Variants in PLD5 observed in about 807,000 individuals in gnomAD.
The protein encoded by PLD5 is inactive phospholipase D5.
In PLD5, 36 loss-of-function variants were observed where a neutral mutation model predicts 61.1. The ratio of observed to expected loss-of-function variants is 0.59; its 90% CI spans 0.45 to 0.78. The LOEUF (loss-of-function observed/expected upper bound fraction) is 0.78. Among genes scored for constraint, PLD5 ranks in the 30% least tolerant of loss-of-function variants. The pLI is 0.00. For missense variants in PLD5, 515 were observed against 644.4 expected (o/e 0.80, Z 2.17); for synonymous variants, 243 against 242.8 (o/e 1.00, Z -0.01).
At chr1:242,360,597 A>G (rs545309541) in intron 1 of PLD5, among the ~76,000 whole-genome samples, 1 of 152,236 alleles carries the variant, frequency 6.6e-6, no homozygotes, top group African/African-American at 2.4e-5. Flanking sequence ...CCATCTGCCT[A>G]TCTAACAACG....
chr1:242,420,844 C>T (rs1269471905), intron 1 of PLD5, among the ~76,000 whole-genome samples: 2 of 152,122 alleles, frequency 1.3e-5, no homozygotes, highest in Non-Finnish European at 2.9e-5. Flanking sequence ...TCAAAAAATG[C>T]ATGTCCATTT....
chr1:242,169,068 T>C (rs316893), intron 5 of PLD5, among the ~76,000 whole-genome samples: 127,582 of 151,876 alleles, frequency 0.84, 54,081 homozygotes, highest in African/African-American at 0.95. Flanking sequence ...CACTGAAAGG[T>C]CTTTCTTAAT....
intron 5 of PLD5, among the ~76,000 whole-genome samples, chr1:242,163,435 A>G (rs548189572): frequency 5.3e-5 from 8 of 152,182 alleles, no homozygotes; most frequent in African/African-American, 1.2e-4. Context: ...GAGCCACTGC[A>G]CCCAGCTTCC....
At chr1:242,388,672 G>A (rs1156377319) in intron 1 of PLD5, among the ~76,000 whole-genome samples, 2 of 152,150 alleles carry the variant, frequency 1.3e-5, no homozygotes, top group Non-Finnish European at 2.9e-5. Context: ...ATGGCTGACT[G>A]AGACGGTAAG....
intron 1 of PLD5, among the ~76,000 whole-genome samples, chr1:242,401,829 T>A (rs567370058): frequency 2.0e-4 from 30 of 152,354 alleles, no homozygotes; most frequent in Admixed American, 1.9e-3. Flanking sequence ...TCCATCCTCC[T>A]GCTGGTAGAG....
intron 1 of PLD5, among the ~76,000 whole-genome samples, chr1:242,446,584 G>GA (rs2102916930): frequency 6.6e-6 from 1 of 152,052 alleles, no homozygotes; most frequent in East Asian, 1.9e-4. Flanking sequence ...TATCTAAAAA[G>GA]AAAAAAGAAA....
chr1:242,445,221 T>C (rs946786943), intron 1 of PLD5, among the ~76,000 whole-genome samples: 3 of 152,196 alleles, frequency 2.0e-5, no homozygotes, highest in African/African-American at 7.2e-5. Flanking sequence ...CATTCTACTG[T>C]GTGAACACAC....
chr1:242,376,420 C>T (rs1237903651), intron 1 of PLD5, among the ~76,000 whole-genome samples: 1 of 152,160 alleles, frequency 6.6e-6, no homozygotes, highest in Non-Finnish European at 1.5e-5. Context: ...TGCTGAGACA[C>T]TTAAAAGTTC....
chr1:242,145,778 TTC>T (rs1664503779), intron 5 of PLD5, among the ~76,000 whole-genome samples: 1 of 152,158 alleles, frequency 6.6e-6, no homozygotes. Flanking sequence ...GTTTAAGTGA[TTC>T]TCTTGCCTCA....
intron 1 of PLD5, among the ~76,000 whole-genome samples, chr1:242,454,617 C>A (rs1400677724): frequency 1.3e-5 from 2 of 151,606 alleles, no homozygotes; most frequent in Admixed American, 6.6e-5. Context: ...ACATTAATTT[C>A]TATTAAGGTA....
intron 7 of PLD5, 107 bp downstream of exon 7, chr1:242,113,782 AG>A (rs1661727594): frequency 7.3e-7 from 1 of 1,364,266 alleles, no homozygotes; most frequent in African/African-American, 1.5e-5. Context: ...GCTCTTCCTA[AG>A]GCAACCTGAT....
chr1:242,312,809 T>C (rs1482487000), intron 2 of PLD5, among the ~76,000 whole-genome samples: 1 of 152,194 alleles, frequency 6.6e-6, no homozygotes, highest in Non-Finnish European at 1.5e-5. Context: ...CAAGGGTGAG[T>C]AAAAATGCAA....
At chr1:242,445,070 A>C (rs1228522218) in intron 1 of PLD5, among the ~76,000 whole-genome samples, 2 of 152,128 alleles carry the variant, frequency 1.3e-5, no homozygotes, top group Non-Finnish European at 2.9e-5. Flanking sequence ...CCCACCTCCC[A>C]AACTCATTTG....
intron 1 of PLD5, among the ~76,000 whole-genome samples, chr1:242,454,065 C>G (rs550723685): frequency 1.9e-3 from 293 of 152,256 alleles, no homozygotes; most frequent in Middle Eastern, 0.01. Context: ...TGCGGTGGCT[C>G]ATGCCTGTAA....
intron 2 of PLD5, among the ~76,000 whole-genome samples, chr1:242,303,062 A>G (rs138020615): frequency 1.3e-5 from 2 of 152,300 alleles, no homozygotes; most frequent in African/African-American, 4.8e-5. Flanking sequence ...GGCCATCCTG[A>G]CACACCAGAA....
intron 4 of PLD5, among the ~76,000 whole-genome samples, chr1:242,263,340 C>G (rs1304000270): frequency 6.6e-6 from 1 of 151,658 alleles, no homozygotes; most frequent in African/African-American, 2.4e-5. Context: ...TAGAATTTTG[C>G]TAAAAGACTA....
At position 242,256,503 on chromosome 1, in the gene PLD5, A is replaced by G. The variant is rs1384805704; in HGVS notation, c.607+8834T>C. ...TCTTGTAGCGGGGGTTGAAAGGAAC[A>G]AACTTAGATTCTTTTGTGCCCTTCT... On this transcript the variant is annotated intron_variant, in intron 4 of 9. Transcript: ENST00000536534. The surrounding 1 kb of genome is among the most constrained non-coding windows in gnomAD (Gnocchi z 5.7). 5.5e-4 allele frequency among the ~76,000 whole-genome samples: 84 copies of G among 152,186 alleles called. No individual in the cohort carries two copies. Among genetic ancestry groups the G allele is most frequent in the Non-Finnish European group, 1.8e-4 (12 of 68,048 alleles).
At chr1:242,172,561 A>G (rs774043801) in intron 5 of PLD5, among the ~76,000 whole-genome samples, 2 of 152,122 alleles carry the variant, frequency 1.3e-5, no homozygotes, top group Non-Finnish European at 2.9e-5. Context: ...GACACAAAAA[A>G]CCCTTCAAAA....
At chr1:242,260,980 T>A (rs1392211296) in intron 4 of PLD5, among the ~76,000 whole-genome samples, 3 of 152,364 alleles carry the variant, frequency 2.0e-5, no homozygotes, top group East Asian at 1.9e-4. Flanking sequence ...TCACCAAGTT[T>A]ATCTACAGAG....
Sources: gnomAD v4.1 joint callset for allele counts (sites outside exome capture counted in the v4.1 genomes callset) on GRCh38, gnomAD v4.1.1 for gene constraint, Gnocchi (gnomAD v3.1) non-coding constraint, MANE v1.5 for transcripts, NCBI Gene and HGNC (gene_info 2026-07-23, HGNC 2026-07-21) for gene names.